The following CCDC102B variants were observed in gnomAD, a reference collection of about 807,000 sequenced individuals.
CCDC102B encodes coiled-coil domain-containing protein 102B.
Under a neutral mutation model 57.4 loss-of-function variants are expected in CCDC102B, and 75 were observed. The ratio of observed to expected loss-of-function variants is 1.31; its 90% confidence interval spans 1.08 to 1.58. The LOEUF (loss-of-function observed/expected upper bound fraction) is 1.58, where lower values mean the gene tolerates loss of function less well. CCDC102B is among the 40% of genes most tolerant of loss of function. CCDC102B has a pLI of 0.00. For synonymous variants in CCDC102B, 206 were observed against 201.9 expected (o/e 1.02, Z -0.17); for missense variants, 636 against 582.6 (o/e 1.09, Z -0.94).
intron 6 of CCDC102B, among the ~76,000 whole-genome samples, chr18:68,999,395 G>A (rs868796513): frequency 2.7e-5 from 4 of 150,798 alleles, no homozygotes; most frequent in Non-Finnish European, 4.4e-5. Context: ...CCAGGAGTTC[G>A]AGACTAGCCT....
At chr18:68,754,272 A>C (rs1339994175) in intron 2 of CCDC102B, 1 of 152,220 alleles carries the variant, frequency 6.6e-6, no homozygotes, top group Non-Finnish European at 1.5e-5. Context: ...GATTAAAAAA[A>C]TACAGAAAAA....
At chr18:68,822,951 A>C (rs1417655381) in intron 1 of CCDC102B, among the ~76,000 whole-genome samples, 1 of 152,146 alleles carries the variant, frequency 6.6e-6, no homozygotes, top group Admixed American at 6.5e-5. Context: ...AGTGACAAGA[A>C]ACCAGAGTCA....
exon 1 of CCDC102B, chr18:68,715,337 C>G: frequency 1.1e-6 from 1 of 934,302 alleles, no homozygotes; most frequent in Non-Finnish European, 1.4e-6. Context: ...AGGTGAATAC[C>G]GGTGAAAGTT....
At chr18:68,786,320 G>A (rs1400134917) in intron 2 of CCDC102B, among the ~76,000 whole-genome samples, 1 of 148,760 alleles carries the variant, frequency 6.7e-6, no homozygotes, top group Non-Finnish European at 1.5e-5. Context: ...GCTCTTTTTT[G>A]GTTCCATATG....
At chr18:68,880,714 C>A (rs1316822907) in intron 5 of CCDC102B, among the ~76,000 whole-genome samples, 1 of 152,210 alleles carries the variant, frequency 6.6e-6, no homozygotes, top group Admixed American at 6.5e-5. Context: ...ATTAGAAATT[C>A]TCCTGCATTT....
intron 6 of CCDC102B, among the ~76,000 whole-genome samples, chr18:68,994,451 A>T (rs2050960681): frequency 6.6e-6 from 1 of 152,028 alleles, no homozygotes; most frequent in Non-Finnish European, 1.5e-5. Flanking sequence ...TTTGGGTCCA[A>T]ATCTCACCTT....
At chr18:68,803,943 G>C (rs963998352) in intron 1 of CCDC102B, among the ~76,000 whole-genome samples, 2 of 152,110 alleles carry the variant, frequency 1.3e-5, no homozygotes, top group Admixed American at 1.3e-4. Context: ...TGGGATCCTA[G>C]AAATATTGTA....
At chr18:68,786,607 CT>C (rs1334548308) in intron 2 of CCDC102B, among the ~76,000 whole-genome samples, 3 of 140,340 alleles carry the variant, frequency 2.1e-5, no homozygotes, top group Non-Finnish European at 4.6e-5. Flanking sequence ...TGGGAGTTCA[CT>C]CATGATTTGG....
At chr18:69,027,304 A>G (rs2052019132) in intron 7 of CCDC102B, among the ~76,000 whole-genome samples, 1 of 151,990 alleles carries the variant, frequency 6.6e-6, no homozygotes, top group Non-Finnish European at 1.5e-5. Context: ...TCTTACGGCA[A>G]CTCTGCTTCT....
intron 6 of CCDC102B, among the ~76,000 whole-genome samples, chr18:68,960,719 G>A (rs1046282198): frequency 1.3e-5 from 2 of 152,202 alleles, no homozygotes; most frequent in African/African-American, 4.8e-5. Context: ...TCTGCCTTGG[G>A]CTGCTCTAAA....
intron 2 of CCDC102B, chr18:68,734,632 T>C (rs2033044297): frequency 6.6e-6 from 1 of 152,220 alleles, no homozygotes; most frequent in African/African-American, 2.4e-5. Flanking sequence ...AGTATCCTTG[T>C]TTATTTTTTT....
chr18:68,855,975 C>G (rs918519778), intron 4 of CCDC102B, among the ~76,000 whole-genome samples: 1 of 152,004 alleles, frequency 6.6e-6, no homozygotes, highest in Non-Finnish European at 1.5e-5. Flanking sequence ...GGAATACAGG[C>G]CACTTTCTCG....
chr18:68,850,479 G>A (rs1008307126), intron 4 of CCDC102B, among the ~76,000 whole-genome samples: 38 of 151,914 alleles, frequency 2.5e-4, no homozygotes, highest in African/African-American at 9.2e-4. Flanking sequence ...AGAGAGGAAG[G>A]ATTAGAGCTA....
chr18:69,009,316 A>T (rs1395997968), intron 6 of CCDC102B, among the ~76,000 whole-genome samples: 4 of 152,156 alleles, frequency 2.6e-5, no homozygotes, highest in South Asian at 2.1e-4. Context: ...CCTTACGCCC[A>T]GATTGTGATG....
chr18:68,967,162 G>A (rs149197207), intron 6 of CCDC102B, among the ~76,000 whole-genome samples: 113 of 65,026 alleles, frequency 1.7e-3, no homozygotes, highest in Middle Eastern at 6.9e-3. Flanking sequence ...TCTTTTCGGT[G>A]TGTAGAACAC....
intron 3 of CCDC102B, 137 bp downstream of exon 3, chr18:68,839,063 G>A: frequency 1.3e-6 from 1 of 743,628 alleles, no homozygotes; most frequent in Non-Finnish European, 2.3e-6. Context: ...AAAGAAATTA[G>A]TTTGATATAT....
intron 2 of CCDC102B, among the ~76,000 whole-genome samples, chr18:68,722,641 T>C (rs568305935): frequency 3.3e-5 from 5 of 152,198 alleles, no homozygotes; most frequent in Non-Finnish European, 7.3e-5. Flanking sequence ...TAGAAGCCTT[T>C]AGATGTTTAA....
chr18:68,726,919 A>T (rs1003087753), intron 2 of CCDC102B, among the ~76,000 whole-genome samples: 3 of 152,206 alleles, frequency 2.0e-5, no homozygotes, highest in Non-Finnish European at 4.4e-5. Context: ...AAATTTGGGA[A>T]GAGTCCATGG....
At chr18:68,995,239 C>T (rs559969209) in intron 6 of CCDC102B, among the ~76,000 whole-genome samples, 1 of 152,234 alleles carries the variant, frequency 6.6e-6, no homozygotes, top group East Asian at 1.9e-4. Flanking sequence ...AAATTTGCAG[C>T]CTGACAATGC....
Sources: gnomAD v4.1 joint callset for allele counts (sites outside exome capture counted in the v4.1 genomes callset) on GRCh38, gnomAD v4.1.1 for gene constraint, MANE v1.5 for transcripts, NCBI Gene and HGNC (gene_info 2026-07-23, HGNC 2026-07-21) for gene names.